Variants in RPS6KC1 observed in about 807,000 individuals in gnomAD.
RPS6KC1 encodes the protein inactive ribosomal protein S6 kinase delta-1.
A neutral mutation model predicts 103.8 loss-of-function variants in RPS6KC1; 54 were observed. The observed-to-expected ratio is 0.52, with a 90% CI of 0.42 to 0.65. The LOEUF is 0.65. RPS6KC1 is among the 30% of genes least tolerant of loss of function. The pLI is 0.00. For synonymous variants in RPS6KC1, 439 were observed against 438.7 expected (o/e 1.00, Z -0.01); for missense variants, 1,151 against 1,253.8 (o/e 0.92, Z 1.24).
At chr1:213,517,362 A>C in the RPS6KC1 span, among the ~76,000 whole-genome samples, 1 of 152,136 alleles carries the variant, frequency 6.6e-6, no homozygotes, top group African/African-American at 2.4e-5. Context: ...TCTTGTGGGC[A>C]TTTAGTGCTA....
intron 3 of RPS6KC1, among the ~76,000 whole-genome samples, chr1:213,101,459 T>C (rs1439778169): frequency 6.6e-6 from 1 of 152,204 alleles, no homozygotes; most frequent in Non-Finnish European, 1.5e-5. Context: ...TTTAGTGGAA[T>C]AGAAACAATA....
the RPS6KC1 span, among the ~76,000 whole-genome samples, chr1:213,807,342 G>T: frequency 6.6e-6 from 1 of 152,118 alleles, no homozygotes; most frequent in Admixed American, 6.6e-5. Context: ...GCTAGATTGG[G>T]GAATTTCTCC....
chr1:213,664,199 G>C, the RPS6KC1 span, among the ~76,000 whole-genome samples: 1 of 141,744 alleles, frequency 7.1e-6, no homozygotes, highest in South Asian at 2.5e-4. Context: ...GAGCGGGGGG[G>C]CGGGGTGGGG....
At chr1:213,577,132 T>G in the RPS6KC1 span, among the ~76,000 whole-genome samples, 1 of 152,124 alleles carries the variant, frequency 6.6e-6, no homozygotes, top group East Asian at 1.9e-4. Flanking sequence ...GGGAGGTAAT[T>G]TAATCATGGG....
rs576073478 is a variant in RPS6KC1, at chr1:213,147,327, G to A, written c.835+17438G>A. On this transcript the variant is annotated intron_variant, in intron 6 of 14. Coordinates refer to ENST00000366960, the MANE Select transcript of RPS6KC1 (RefSeq NM_012424.6). ...TTGTTGTAGTGGTTTTATAGTTTGA[G>A]TTCTTAGACTTTAAGTCTTTAATCC... Among the ~76,000 whole-genome samples the A allele has an allele frequency of 2.6e-5, 4 of 152,264 alleles. No homozygotes were observed. In the South Asian group the frequency reaches 8.3e-4, roughly 32 times the overall value.
At chr1:213,300,494 C>G in the RPS6KC1 span, among the ~76,000 whole-genome samples, 2 of 152,108 alleles carry the variant, frequency 1.3e-5, no homozygotes, top group South Asian at 2.1e-4. Flanking sequence ...CCCTTTTTCC[C>G]TGGTTTATTT....
chr1:213,238,406 A>G (rs1034269560), intron 10 of RPS6KC1, among the ~76,000 whole-genome samples: 2 of 152,200 alleles, frequency 1.3e-5, no homozygotes, highest in Non-Finnish European at 2.9e-5. Context: ...TCATGGGTTG[A>G]TAACTGTATT....
At chr1:213,691,404 T>C in the RPS6KC1 span, among the ~76,000 whole-genome samples, 1 of 152,230 alleles carries the variant, frequency 6.6e-6, no homozygotes, top group Non-Finnish European at 1.5e-5. Flanking sequence ...TCTGCAATTG[T>C]ACATTACGCA....
chr1:213,759,989 GCT>G, the RPS6KC1 span, among the ~76,000 whole-genome samples: 1 of 152,160 alleles, frequency 6.6e-6, no homozygotes, highest in African/African-American at 2.4e-5. Context: ...GTCATCATGT[GCT>G]CTCTTTCCCC....
chr1:213,403,684 G>A, the RPS6KC1 span, among the ~76,000 whole-genome samples: 2 of 152,158 alleles, frequency 1.3e-5, no homozygotes, highest in Non-Finnish European at 2.9e-5. Context: ...TTAATAGTAT[G>A]TGAGCTAGTT....
the RPS6KC1 span, among the ~76,000 whole-genome samples, chr1:213,744,298 A>G: frequency 1.3e-5 from 2 of 152,204 alleles, no homozygotes; most frequent in South Asian, 4.1e-4. Flanking sequence ...TATTGAAATA[A>G]TGATATAAAA....
chr1:213,439,880 A>C, the RPS6KC1 span, among the ~76,000 whole-genome samples: 1 of 152,040 alleles, frequency 6.6e-6, no homozygotes, highest in African/African-American at 2.4e-5. Context: ...AGAGAGAGAG[A>C]GAGCGAAAAG....
chr1:213,346,858 G>A, the RPS6KC1 span, among the ~76,000 whole-genome samples: 1 of 152,188 alleles, frequency 6.6e-6, no homozygotes, highest in African/African-American at 2.4e-5. Context: ...TGAGACGCAT[G>A]TGGAGCAGAG....
At chr1:213,326,307 C>G in the RPS6KC1 span, among the ~76,000 whole-genome samples, 3 of 152,122 alleles carry the variant, frequency 2.0e-5, no homozygotes, top group Admixed American at 1.3e-4. Context: ...AATCAATAAA[C>G]AGCACTTTTT....
the RPS6KC1 span, among the ~76,000 whole-genome samples, chr1:213,480,870 T>A: frequency 6.6e-6 from 1 of 152,142 alleles, no homozygotes; most frequent in East Asian, 1.9e-4. Context: ...ATTCATATTC[T>A]GTATGTGTTG....
At chr1:213,435,474 T>C in the RPS6KC1 span, among the ~76,000 whole-genome samples, 440 of 152,370 alleles carry the variant, frequency 2.9e-3, 5 homozygotes, top group African/African-American at 0.01. Context: ...CTGTAAGTAT[T>C]CTTAGACTTT....
chr1:213,538,683 A>G, the RPS6KC1 span, among the ~76,000 whole-genome samples: 1 of 152,176 alleles, frequency 6.6e-6, no homozygotes, highest in Non-Finnish European at 1.5e-5. Context: ...GAGGAGGGGC[A>G]GGAGGAAAAT....
chr1:213,522,254 C>G, the RPS6KC1 span, among the ~76,000 whole-genome samples: 1 of 152,164 alleles, frequency 6.6e-6, no homozygotes, highest in Non-Finnish European at 1.5e-5. Flanking sequence ...TGAAAAGACT[C>G]TCTTTTTTCC....
intron 3 of RPS6KC1, among the ~76,000 whole-genome samples, chr1:213,082,016 C>G (rs11585702): frequency 0.023 from 3,472 of 152,158 alleles, 69 homozygotes; most frequent in Non-Finnish European, 0.037. Context: ...AATTTGTTAC[C>G]CAGCAATAAC....
Sources: allele counts gnomAD v4.1 joint callset (sites outside exome capture counted in the v4.1 genomes callset), GRCh38; gene constraint gnomAD v4.1.1; transcripts MANE v1.5; gene names NCBI Gene and HGNC (gene_info 2026-07-23, HGNC 2026-07-21).